ST6GALNAC4: variants seen among roughly 807,000 people sequenced by gnomAD.
The protein encoded by ST6GALNAC4 is ST6 N-acetylgalactosaminide alpha-2,6-sialyltransferase 4.
Under a neutral mutation model 30.4 loss-of-function variants are expected in ST6GALNAC4, and 24 were observed. The observed-to-expected ratio is 0.79, with a 90% CI of 0.57 to 1.11. The LOEUF (loss-of-function observed/expected upper bound fraction) is 1.11, where lower values mean the gene tolerates loss of function less well. Among genes scored for constraint, ST6GALNAC4 ranks in the 50% most tolerant of loss-of-function variants. ST6GALNAC4 has a pLI of 0.00. For synonymous variants in ST6GALNAC4, 156 were observed against 179.7 expected, an observed-to-expected ratio of 0.87 and a Z score of 1.05; for missense variants, 365 against 430.1, an observed-to-expected ratio of 0.85 and a Z score of 1.34.
intron 4 of ST6GALNAC4, among the ~76,000 whole-genome samples, chr9:127,911,760 C>T (rs1468945130): frequency 1.3e-5 from 2 of 152,226 alleles, no homozygotes; most frequent in African/African-American, 2.4e-5. Flanking sequence ...GCTCGGATTA[C>T]AGGCGTGAGC....
chr9:127,912,121 GC>G (rs1831085254), intron 4 of ST6GALNAC4, 146 bp downstream of exon 4: 2 of 997,526 alleles, frequency 2.0e-6, no homozygotes, highest in South Asian at 3.4e-5. Context: ...TCTGCCTCCT[GC>G]CCCCCATTAG....
At chr9:127,914,875 T>C in intron 2 of ST6GALNAC4, 34 bp from the exon 3 acceptor site, 1 of 1,433,058 alleles carries the variant, frequency 7.0e-7, no homozygotes, top group Non-Finnish European at 9.2e-7. Flanking sequence ...GGGGTGTATG[T>C]GGGGAGGGGC....
chr9:127,908,947 C>A (rs1217415369), intron 5 of ST6GALNAC4, among the ~76,000 whole-genome samples: 1 of 152,172 alleles, frequency 6.6e-6, no homozygotes, highest in Non-Finnish European at 1.5e-5. Context: ...CCCCTCATTC[C>A]CATGTCACAG....
Position 127,908,237 on chromosome 9 carries a change from T to A in ST6GALNAC4, c.*155A>T, listed in dbSNP as rs1830975644. ...TCATGAGGCCTGAGATGGCTCCAAG[T>A]GTCGCCAGAATGGGGCGGGAAGGAA... On this transcript the variant is annotated 3_prime_UTR_variant, in exon 6 of 6. Coordinates refer to ENST00000335791, the MANE Select transcript of ST6GALNAC4 (RefSeq NM_175039.4). The A allele has an allele frequency of 1.8e-6, 1 of 552,770 alleles. No individual in the cohort carries two copies. The highest frequency in any genetic ancestry group is 2.8e-6 in the Non-Finnish European group (1 of 363,492). 34.2% of individuals were successfully genotyped at this position (552,770 alleles called of 1,614,324 possible). A position where few individuals can be genotyped will look rare whatever the true frequency, so the allele number is the denominator to read the frequency against.
At chr9:127,909,719 T>TG (rs76360845) in intron 5 of ST6GALNAC4, among the ~76,000 whole-genome samples, 15,085 of 152,182 alleles carry the variant, frequency 0.099, 849 homozygotes, top group South Asian at 0.2. Flanking sequence ...GTGGCATGAC[T>TG]GGCCCGTGAA....
At chr9:127,910,416 G>A (rs529799573) in intron 4 of ST6GALNAC4, 207 of 1,060,756 alleles carry the variant, frequency 2.0e-4, no homozygotes, top group Non-Finnish European at 2.2e-4. Context: ...GCAGGGCACC[G>A]TGGTTTGAAG....
intron 3 of ST6GALNAC4, among the ~76,000 whole-genome samples, chr9:127,913,405 CA>C (rs1208354521): frequency 6.7e-6 from 1 of 148,672 alleles, no homozygotes; most frequent in African/African-American, 2.5e-5. Context: ...GTCAACATGG[CA>C]AAACCCCATC....
intron 2 of ST6GALNAC4, among the ~76,000 whole-genome samples, chr9:127,915,336 G>A (rs570037691): frequency 6.6e-6 from 1 of 152,150 alleles, no homozygotes; most frequent in Non-Finnish European, 1.5e-5. Context: ...CGGGAAAGTG[G>A]TGCCTCAGAA....
At position 127,910,072 on chromosome 9, in the gene ST6GALNAC4, G is replaced by A. The variant is rs1410413894; in HGVS notation, c.612-14C>T. ...CCCGACTGCCTCCTGGGGGTGGCGG[G>A]GGGACAGGGGGACGCTGTCAACAAG... On this transcript the variant is annotated splice_polypyrimidine_tract_variant and intron_variant, in intron 4 of 5. Coordinates refer to ENST00000335791, the MANE Select transcript of ST6GALNAC4 (RefSeq NM_175039.4). 8 of 1,611,818 alleles carry A rather than the reference G, an allele frequency of 5.0e-6. No homozygotes were observed. The highest frequency in any genetic ancestry group is 6.8e-6 in the Non-Finnish European group (8 of 1,179,276).
At chr9:127,912,938 C>G (rs1303563601) in intron 3 of ST6GALNAC4, among the ~76,000 whole-genome samples, 1 of 152,220 alleles carries the variant, frequency 6.6e-6, no homozygotes, top group African/African-American at 2.4e-5. Flanking sequence ...CTGTTGCTGC[C>G]TCTGAGGCCC....
At chr9:127,910,099 G>A (rs1831043453) in intron 4 of ST6GALNAC4, 41 bp from the exon 5 acceptor site, 1 of 1,606,202 alleles carries the variant, frequency 6.2e-7, no homozygotes, top group South Asian at 1.1e-5. Flanking sequence ...GTCAACAAGA[G>A]GCCATGTGGT....
At chr9:127,916,365 G>C in intron 2 of ST6GALNAC4, 43 bp downstream of exon 2, 2 of 1,613,808 alleles carry the variant, frequency 1.2e-6, no homozygotes, top group Non-Finnish European at 1.7e-6. Flanking sequence ...TCCGCCAGTC[G>C]GGGCCTCTGC....
rs1831156296 is a variant in ST6GALNAC4 at position 127,914,704 on chromosome 9, C to A, written c.150G>T (p.Val50=). Residue 50 remains valine, a synonymous_variant, in exon 3 of 6, where the codon GTG becomes GTT. Transcript: ENST00000335791. ...HHFPTGSRPT[V]PGPLHFSGYS... ...ATCCACTGAAGTGCAGGGGTCCCGG[C>A]ACAGTGGGCCTGGAGCCTGTGGGGA... 2 of 1,612,594 alleles carry A rather than the reference C, an allele frequency of 1.2e-6. No individual in the cohort carries two copies. Among genetic ancestry groups the A allele is most frequent in the Non-Finnish European group, 1.7e-6 (2 of 1,179,364 alleles).
intron 3 of ST6GALNAC4, 26 bp downstream of exon 3, chr9:127,914,630 C>T: frequency 6.3e-7 from 1 of 1,580,788 alleles, no homozygotes; most frequent in South Asian, 1.2e-5. Context: ...ACTACCCACC[C>T]CGGATGCATT....
Position 127,908,162 on chromosome 9 carries a change from T to TCAGGGAGTGGAGGGGGGAGC in ST6GALNAC4, c.*229_*230insGCTCCCCCCTCCACTCCCTG, listed in dbSNP as rs891401993. On this transcript the variant is annotated 3_prime_UTR_variant, in exon 6 of 6. Coordinates refer to ENST00000335791, the MANE Select transcript of ST6GALNAC4 (RefSeq NM_175039.4). Reference sequence around the variant, plus strand: ...TGAGCCCCCAAATGCCGTGAATTACTCAGGGAGTGGAGGGGGGAGACACGG... The same window carrying TCAGGGAGTGGAGGGGGGAGC: ...TGAGCCCCCAAATGCCGTGAATTACTCAGGGAGTGGAGGGGGGAGCCAGGGAGTGGAGGGGGGAGACACGG... The TCAGGGAGTGGAGGGGGGAGC allele has an allele frequency of 1.0e-5, 2 of 192,982 alleles. No individual in the cohort carries two copies. The highest frequency in any genetic ancestry group is 6.2e-5 in the Admixed American group (1 of 16,226). 12.0% of individuals were successfully genotyped at this position (192,982 alleles called of 1,614,324 possible). A position where few individuals can be genotyped will look rare whatever the true frequency, so the allele number is the denominator to read the frequency against.
rs1831040780 is a variant in ST6GALNAC4 at position 127,910,040 on chromosome 9, G to A, written c.630C>T (p.Phe210=). The change falls in exon 5 of 6, where the codon TTC becomes TTT. Residue 210 remains phenylalanine (F), a synonymous_variant. Transcript: ENST00000335791. ...TCATGGTGAACCAGCCGGTGCTGAGGAAGGAGCCCGACTGCCTCCTGGGGG... is the reference window on the plus strand; with the variant it reads ...TCATGGTGAACCAGCCGGTGCTGAGAAAGGAGCCCGACTGCCTCCTGGGGG... ...TGKNRRQSGS[F]LSTGWFTMIL... 3 of 1,613,360 alleles carry A rather than the reference G, an allele frequency of 1.9e-6. No individual in the cohort carries two copies. The highest frequency in any genetic ancestry group is 1.7e-6 in the Non-Finnish European group (2 of 1,179,952).
chr9:127,914,009 G>T (rs1388212285), intron 3 of ST6GALNAC4, among the ~76,000 whole-genome samples: 1 of 152,210 alleles, frequency 6.6e-6, no homozygotes, highest in African/African-American at 2.4e-5. Flanking sequence ...GAATCCGGCA[G>T]GTGGAGGTTG....
At chr9:127,912,727 G>T in intron 3 of ST6GALNAC4, 47 bp from the exon 4 acceptor site, 1 of 1,488,310 alleles carries the variant, frequency 6.7e-7, no homozygotes, top group Non-Finnish European at 8.9e-7. Context: ...TGAACACGCA[G>T]CTTACACCCC....
At chr9:127,914,902 A>G (rs1178375083) in intron 2 of ST6GALNAC4, 61 bp from the exon 3 acceptor site, 8 of 1,387,086 alleles carry the variant, frequency 5.8e-6, no homozygotes, top group Non-Finnish European at 7.6e-6. Flanking sequence ...AAGCCCCTTC[A>G]GCGCTGCACC....
Sources: gnomAD v4.1 joint callset for allele counts (sites outside exome capture counted in the v4.1 genomes callset) on GRCh38, gnomAD v4.1.1 for gene constraint, MANE v1.5 for transcripts, NCBI Gene and HGNC (gene_info 2026-07-23, HGNC 2026-07-21) for gene names.